Variants in SSUH2 observed in about 807,000 individuals in gnomAD.
SSUH2 encodes protein SSUH2 homolog.
Under a neutral mutation model 55.3 loss-of-function variants are expected in SSUH2, and 47 were observed. The observed-to-expected ratio is 0.85, with a 90% confidence interval of 0.67 to 1.08. SSUH2 has a LOEUF of 1.08. Ranked by LOEUF, SSUH2 falls within the 50% of genes least tolerant of loss-of-function variation. The probability of loss-of-function intolerance (pLI) is 0.00; values close to 1 mark genes in which losing one functional copy is unlikely to be tolerated. For synonymous variants in SSUH2, 212 were observed against 191.5 expected, an observed-to-expected ratio of 1.11 and a Z score of -0.89; for missense variants, 535 against 490.7, an observed-to-expected ratio of 1.09 and a Z score of -0.85.
intron 8 of SSUH2, among the ~76,000 whole-genome samples, chr3:8,626,752 T>C (rs1697655599): frequency 6.6e-6 from 1 of 152,002 alleles, no homozygotes; most frequent in Non-Finnish European, 1.5e-5. Context: ...CTACTGGTGA[T>C]CTCCTCTGCC....
chr3:8,659,901 A>G (rs1703307218), intron 6 of SSUH2: 1 of 424,092 alleles, frequency 2.4e-6, no homozygotes, highest in Admixed American at 2.5e-5. Context: ...TTTCCAGGGA[A>G]GCAGACATCT....
In SSUH2 at chr3:8,632,673, A is replaced by G. The variant is rs542927889; in HGVS notation, c.340-564T>C. Among the ~76,000 whole-genome samples the G allele has an allele frequency of 1.9e-3, 287 of 152,344 alleles. 1 individual carries two copies. The highest frequency in any genetic ancestry group is 2.3e-3 in the Non-Finnish European group (156 of 68,032). On this transcript the variant is annotated intron_variant, in intron 4 of 11. Transcript: ENST00000544814. ...CTCTAACCACTGCCTGCAAGTGATT[A>G]TGTGCTCCTCAGAGGGTGGCTGGAT... is the stretch of plus-strand genomic sequence containing the variant.
Position 8,633,913 on chromosome 3 carries a change from C to T in SSUH2, c.210-118G>A, listed in dbSNP as rs767354434. 18 of 1,614,032 alleles carry T rather than the reference C, an allele frequency of 1.1e-5. No individual in the cohort carries two copies. The South Asian group carries it at 1.5e-4, about 14-fold the overall frequency. ...CTGAGGCCACGGTAGTGGTAAAGCC[C>T]TCAGCAGTCCAACTGGGGAGGGCAT... On this transcript the variant is annotated intron_variant, in intron 3 of 11. Transcript: ENST00000544814.
Position 8,625,625 on chromosome 3 carries a change from CA to C in SSUH2, c.789del (p.Phe263LeufsTer71). ...VIMWKNSLFE[F>X]VSEHRLNCPR... ...GGGCAGTTGAGCCGGTGCTCAGACA[CA>C]AACTCAAACAAGCTGTTCTTCCTGG... is the stretch of plus-strand genomic sequence containing the variant. On this transcript the variant is annotated frameshift_variant, in exon 10 of 12. Coordinates refer to ENST00000544814, the MANE Select transcript of SSUH2 (RefSeq NM_001256748.3). LOFTEE classifies it high-confidence loss of function. 1 of 1,613,700 alleles carries C rather than the reference CA, an allele frequency of 6.2e-7. No homozygotes were observed.
rs1025349566 is a variant in SSUH2 at position 8,635,327 on chromosome 3, C to T, written c.182G>A (p.Arg61Lys). Residue 61 changes from arginine (R) to lysine (K), a missense_variant, in exon 3 of 12, where the codon AGG (arginine) becomes AAG (lysine). Transcript: ENST00000544814. ...GTGTTCCAGGAACGAGGGCCAGGAC[C>T]TTTGCTCCTGGGGCCTCCCTGGGGC... Reference protein sequence around the residue: ...LEAPGRPQEQRSWPSFLEHRV... With the variant: ...LEAPGRPQEQKSWPSFLEHRV... 5.1e-5 allele frequency: 78 copies of T among 1,536,010 alleles called. No homozygotes were observed. The highest frequency in any genetic ancestry group is 6.5e-5 in the Non-Finnish European group (75 of 1,146,834).
At chr3:8,657,733 G>C (rs1703075304) in intron 7 of SSUH2, among the ~76,000 whole-genome samples, 1 of 152,226 alleles carries the variant, frequency 6.6e-6, no homozygotes, top group Admixed American at 6.5e-5. Context: ...AGGAGGGAGG[G>C]AGAAAGGAAG....
chr3:8,634,315 A>T (rs1368415673), intron 3 of SSUH2: 152 of 1,148,324 alleles, frequency 1.3e-4, no homozygotes, highest in Non-Finnish European at 1.7e-4. Flanking sequence ...GACGACAGAC[A>T]GGGACCCTAA....
At chr3:8,638,296 AC>A (rs1057015090) in intron 1 of SSUH2, among the ~76,000 whole-genome samples, 2 of 151,748 alleles carry the variant, frequency 1.3e-5, no homozygotes, top group African/African-American at 4.8e-5. Context: ...ACGAATGAAC[AC>A]CCCCTCTCTA....
At chr3:8,631,998 C>T (rs368519747) in intron 5 of SSUH2, 51 bp downstream of exon 5, 34 of 1,447,290 alleles carry the variant, frequency 2.3e-5, no homozygotes, top group Admixed American at 1.2e-4. Flanking sequence ...TTTCCACCAG[C>T]ACCCTGACTT....
At chr3:8,645,108 AG>A (rs1394653222), upstream of SSUH2, among the ~76,000 whole-genome samples, 5 of 152,216 alleles carry the variant, frequency 3.3e-5, no homozygotes, top group Non-Finnish European at 7.3e-5. Flanking sequence ...CTCTAGTCAG[AG>A]TGCCTGACAA....
At chr3:8,648,565 C>G (rs865896519), upstream of SSUH2, among the ~76,000 whole-genome samples, 1 of 143,388 alleles carries the variant, frequency 7.0e-6, no homozygotes, top group Non-Finnish European at 1.5e-5. Flanking sequence ...TAGCTGGTGC[C>G]CCCCCATCCT....
chr3:8,623,489 G>T, intron 11 of SSUH2, 60 bp downstream of exon 11: 1 of 1,023,192 alleles, frequency 9.8e-7, no homozygotes, highest in Non-Finnish European at 1.5e-6. Context: ...TCTCAGGAAA[G>T]AGGGCTCAGC....
intron 1 of SSUH2, 41 bp from the exon 2 acceptor site, chr3:8,635,898 C>T (rs999002182): frequency 1.9e-5 from 28 of 1,513,016 alleles, no homozygotes; most frequent in South Asian, 1.1e-4. Context: ...GGTAGGGAGG[C>T]GAGGGCTGAT....
intron 1 of SSUH2, among the ~76,000 whole-genome samples, chr3:8,681,478 G>GA (rs1559579144): frequency 3.4e-5 from 5 of 145,882 alleles, no homozygotes; most frequent in Non-Finnish European, 6.1e-5. Flanking sequence ...CCCGTCGTAG[G>GA]GGGGAGGCAG....
chr3:8,654,181 A>AAG (rs996392713), intron 7 of SSUH2, among the ~76,000 whole-genome samples: 1 of 152,200 alleles, frequency 6.6e-6, no homozygotes, highest in Non-Finnish European at 1.5e-5. Context: ...GGAGAGGAGA[A>AAG]AGAGAGAGAG....
intron 4 of SSUH2, chr3:8,671,778 G>GA (rs1704594086): frequency 6.6e-6 from 1 of 151,742 alleles, no homozygotes; most frequent in Non-Finnish European, 1.5e-5. Flanking sequence ...AAGATCCTAG[G>GA]AAAAATCCGG....
chr3:8,680,687 A>T (rs1280604923), intron 1 of SSUH2, among the ~76,000 whole-genome samples: 1 of 151,938 alleles, frequency 6.6e-6, no homozygotes, highest in Non-Finnish European at 1.5e-5. Flanking sequence ...TTTCTGCCAT[A>T]CATGAAGTCA....
chr3:8,623,339 G>GCGACC, intron 11 of SSUH2: 1 of 519,290 alleles, frequency 1.9e-6, no homozygotes, highest in Non-Finnish European at 3.4e-6. Flanking sequence ...AACTTCTCCT[G>GCGACC]CGACCCACGG....
intron 3 of SSUH2, 88 bp downstream of exon 3, chr3:8,635,212 T>G (rs1326786164): frequency 6.1e-6 from 7 of 1,155,084 alleles, no homozygotes; most frequent in South Asian, 3.0e-5. Flanking sequence ...CCTCCAGGGA[T>G]CCTGATGCAC....
Sources: gnomAD v4.1 joint callset for allele counts (sites outside exome capture counted in the v4.1 genomes callset) on GRCh38, gnomAD v4.1.1 for gene constraint, MANE v1.5 for transcripts, NCBI Gene and HGNC (gene_info 2026-07-23, HGNC 2026-07-21) for gene names.